The following GRAMD1B variants were observed in gnomAD, a reference collection of about 807,000 sequenced individuals.
GRAMD1B encodes GRAM domain containing 1B.
A neutral mutation model predicts 99.7 loss-of-function variants in GRAMD1B; 37 were observed. That is an observed-to-expected ratio of 0.37 (90% CI 0.29 to 0.49). The LOEUF (loss-of-function observed/expected upper bound fraction) is 0.49. Ranked by LOEUF, GRAMD1B falls within the 20% of genes least tolerant of loss-of-function variation. GRAMD1B has a pLI of 0.98. For synonymous variants in GRAMD1B, 427 were observed against 387.6 expected (o/e 1.10, Z -1.19); for missense variants, 888 against 1,009.2 (o/e 0.88, Z 1.63).
At chr11:123,479,385 C>T (rs1172662315) in intron 1 of GRAMD1B, among the ~76,000 whole-genome samples, 1 of 152,162 alleles carries the variant, frequency 6.6e-6, no homozygotes, top group Non-Finnish European at 1.5e-5. Context: ...ACTTGCTCGG[C>T]AAGATTGTCC....
chr11:123,593,961 G>A (rs1950964602), intron 4 of GRAMD1B, 121 bp from the exon 5 acceptor site: 1 of 707,452 alleles, frequency 1.4e-6, no homozygotes. Context: ...TAGGGTCTGT[G>A]GGAGGGCAGA....
intron 1 of GRAMD1B, among the ~76,000 whole-genome samples, chr11:123,418,858 C>T (rs774517449): frequency 3.9e-5 from 6 of 152,156 alleles, no homozygotes; most frequent in Non-Finnish European, 8.8e-5. Context: ...TTTTTTCATT[C>T]ATAGACACTT....
chr11:123,454,357 G>A (rs971550666), intron 1 of GRAMD1B: 3 of 152,232 alleles, frequency 2.0e-5, no homozygotes, highest in African/African-American at 4.8e-5. Context: ...CTGATCTGAA[G>A]GACAGGCCCC....
chr11:123,618,630 G>C, intron 17 of GRAMD1B, 63 bp from the exon 18 acceptor site: 2 of 934,922 alleles, frequency 2.1e-6, no homozygotes, highest in Non-Finnish European at 3.5e-6. Flanking sequence ...CTGGGATGGG[G>C]GATGTCCTAG....
chr11:123,482,229 AT>A (rs1951652076), intron 2 of GRAMD1B, among the ~76,000 whole-genome samples: 1 of 151,810 alleles, frequency 6.6e-6, no homozygotes, highest in African/African-American at 2.4e-5. Context: ...CTCCGGAGTA[AT>A]TGGGATTACA....
At chr11:123,437,889 C>G (rs551025755) in intron 1 of GRAMD1B, among the ~76,000 whole-genome samples, 1 of 152,306 alleles carries the variant, frequency 6.6e-6, no homozygotes, top group South Asian at 2.1e-4. Context: ...AATGCTCTCC[C>G]CCTCAGCCCC....
intron 1 of GRAMD1B, among the ~76,000 whole-genome samples, chr11:123,465,710 A>G (rs185030952): frequency 2.5e-4 from 38 of 151,936 alleles, no homozygotes; most frequent in African/African-American, 8.2e-4. Context: ...CGGAGGTTGC[A>G]GTAAGCTGAG....
chr11:123,436,081 T>C (rs750376635), intron 1 of GRAMD1B, among the ~76,000 whole-genome samples: 7 of 151,940 alleles, frequency 4.6e-5, no homozygotes, highest in Non-Finnish European at 7.4e-5. Flanking sequence ...TAGCTGGGAT[T>C]ACAGAAGCTC....
chr11:123,616,385 A>C (rs964512218), intron 17 of GRAMD1B, among the ~76,000 whole-genome samples: 4 of 152,208 alleles, frequency 2.6e-5, no homozygotes, highest in African/African-American at 9.7e-5. Flanking sequence ...AGCAACATCG[A>C]TTTAATGTGA....
chr11:123,564,258 G>A (rs530149470), intron 2 of GRAMD1B, among the ~76,000 whole-genome samples: 1 of 152,324 alleles, frequency 6.6e-6, no homozygotes, highest in Admixed American at 6.5e-5. Flanking sequence ...AGACTGCCTG[G>A]ATTTTGTTTC....
intron 1 of GRAMD1B, among the ~76,000 whole-genome samples, chr11:123,401,344 G>A (rs1034559840): frequency 6.6e-6 from 1 of 152,214 alleles, no homozygotes; most frequent in South Asian, 2.1e-4. Context: ...CATGTGTTGT[G>A]CTCCCAGGTG....
At position 123,373,940 on chromosome 11, in the gene GRAMD1B, C is replaced by T. The variant is rs114371294; in HGVS notation, c.-176+15141C>T. Among the ~76,000 whole-genome samples the T allele has an allele frequency of 5.9e-3, 891 of 152,222 alleles. 9 individuals carry two copies. Among genetic ancestry groups the T allele is most frequent in the African/African-American group, 0.02 (836 of 41,522 alleles). ...AATTTTGCTTTCCCCAGGGAGAATC[C>T]CATCTGGATAAACTATCAGTTAACA... On this transcript the variant is annotated intron_variant, in intron 1 of 20. Coordinates refer to the GRAMD1B transcript ENST00000638157.
In GRAMD1B at chr11:123,441,130, TGGACTAATACA is replaced by T. The variant is rs1949387694; in HGVS notation, c.374+9967_374+9977del. On this transcript the variant is annotated intron_variant, in intron 1 of 19. Coordinates refer to ENST00000635736, the MANE Select transcript of GRAMD1B (RefSeq NM_001387025.1). ...TATGTCTTTATTGGCAGCCTGAAAA[TGGACTAATACA>T]GGGGAGCAGGGTTGTCACATGGTGA... is the stretch of plus-strand genomic sequence containing the variant. Among the ~76,000 whole-genome samples, 5 of 152,150 alleles carry T rather than the reference TGGACTAATACA, an allele frequency of 3.3e-5. No individual in the cohort carries two copies. The South Asian group carries it at 1.0e-3, about 32-fold the overall frequency.
chr11:123,396,859 A>C (rs1376478084), intron 1 of GRAMD1B, among the ~76,000 whole-genome samples: 1 of 152,224 alleles, frequency 6.6e-6, no homozygotes, highest in Non-Finnish European at 1.5e-5. Flanking sequence ...GGGGATAATG[A>C]TAGCTAATAT....
At chr11:123,456,898 CG>C (rs1565513817) in intron 1 of GRAMD1B, among the ~76,000 whole-genome samples, 4 of 131,270 alleles carry the variant, frequency 3.0e-5, no homozygotes, top group Admixed American at 2.6e-4. Flanking sequence ...CCAGCCTGGG[CG>C]ACAGAGGGAG....
intron 2 of GRAMD1B, among the ~76,000 whole-genome samples, chr11:123,517,902 G>A (rs567657554): frequency 3.3e-5 from 5 of 152,250 alleles, no homozygotes; most frequent in African/African-American, 9.6e-5. Context: ...GGGTGTATGG[G>A]TGCCCCCTCC....
intron 7 of GRAMD1B, among the ~76,000 whole-genome samples, chr11:123,597,256 C>CTTTTTT (rs71060518): frequency 2.6e-5 from 2 of 76,568 alleles, no homozygotes; most frequent in African/African-American, 1.3e-4. Flanking sequence ...GCCACTATGC[C>CTTTTTT]TTTTTTTTTT....
chr11:123,432,838 G>A (rs1387938671), intron 1 of GRAMD1B, among the ~76,000 whole-genome samples: 2 of 152,140 alleles, frequency 1.3e-5, no homozygotes, highest in Non-Finnish European at 2.9e-5. Context: ...AGTAGGATCC[G>A]TTATGCAGAA....
chr11:123,555,985 C>T (rs1220124850), intron 2 of GRAMD1B, among the ~76,000 whole-genome samples: 9 of 152,182 alleles, frequency 5.9e-5, no homozygotes, highest in Admixed American at 5.2e-4. Flanking sequence ...CCACCTGCCT[C>T]GGCCTCCCAA....
Sources: allele counts gnomAD v4.1 joint callset (sites outside exome capture counted in the v4.1 genomes callset), GRCh38; gene constraint gnomAD v4.1.1; transcripts MANE v1.5; gene names NCBI Gene and HGNC (gene_info 2026-07-23, HGNC 2026-07-21).